The following SAMD5 variants were observed in gnomAD, a reference collection of about 807,000 sequenced individuals.
SAMD5 encodes sterile alpha motif domain containing 5.
SAMD5 carries 13 observed loss-of-function variants against 11.3 expected under a neutral mutation model. That is an observed-to-expected ratio of 1.15 (90% CI 0.75 to 1.83). The LOEUF (loss-of-function observed/expected upper bound fraction) is 1.83, where lower values mean the gene tolerates loss of function less well. SAMD5 is among the 40% of genes most tolerant of loss of function. SAMD5 has a pLI of 0.00. For missense variants in SAMD5, 255 were observed against 239.1 expected, an observed-to-expected ratio of 1.07 and a Z score of -0.44; for synonymous variants, 129 against 111.3, an observed-to-expected ratio of 1.16 and a Z score of -1.00.
chr6:147,710,691 C>T (rs748119589), intron 1 of SAMD5, among the ~76,000 whole-genome samples: 6 of 152,152 alleles, frequency 3.9e-5, no homozygotes, highest in Admixed American at 1.3e-4. Flanking sequence ...CATTGTTAAC[C>T]TCTTGCTGTG....
chr6:147,760,828 A>G, the SAMD5 span, among the ~76,000 whole-genome samples: 1 of 152,088 alleles, frequency 6.6e-6, no homozygotes, highest in Non-Finnish European at 1.5e-5. Flanking sequence ...GTCTTCATTG[A>G]CCTCTTTTCA....
At chr6:147,943,893 T>G in the SAMD5 span, among the ~76,000 whole-genome samples, 22,083 of 152,074 alleles carry the variant, frequency 0.15, 2,038 homozygotes, top group African/African-American at 0.26. Flanking sequence ...GTGCACATAA[T>G]TCTCCTGGCC....
downstream of SAMD5, among the ~76,000 whole-genome samples, chr6:147,572,932 C>A (rs76253450): frequency 0.034 from 5,123 of 152,228 alleles, 117 homozygotes; most frequent in Middle Eastern, 0.075. Flanking sequence ...GGTACATCTA[C>A]CCTGTACCAA....
the SAMD5 span, among the ~76,000 whole-genome samples, chr6:147,767,564 G>A: frequency 4.6e-5 from 7 of 151,746 alleles, no homozygotes; most frequent in South Asian, 8.3e-4. Flanking sequence ...TCGGGGTGGG[G>A]ATCTTATGAT....
chr6:147,941,770 C>A, the SAMD5 span, among the ~76,000 whole-genome samples: 6 of 150,908 alleles, frequency 4.0e-5, no homozygotes, highest in Non-Finnish European at 8.9e-5. Flanking sequence ...ACATTTTTTT[C>A]TAAAATATAG....
chr6:147,922,354 G>A, the SAMD5 span, among the ~76,000 whole-genome samples: 6 of 152,272 alleles, frequency 3.9e-5, no homozygotes, highest in African/African-American at 1.4e-4. Context: ...GCAGTTAAAA[G>A]CATTTGCATG....
chr6:147,951,415 C>T, the SAMD5 span, among the ~76,000 whole-genome samples: 3 of 152,152 alleles, frequency 2.0e-5, no homozygotes, highest in South Asian at 2.1e-4. Flanking sequence ...ATCCTGGCCT[C>T]GTGATCCACC....
downstream of SAMD5, among the ~76,000 whole-genome samples, chr6:147,740,276 A>G (rs759872775): frequency 7.9e-5 from 12 of 152,208 alleles, no homozygotes; most frequent in Admixed American, 4.6e-4. Flanking sequence ...CAGGAACAAT[A>G]GGATGGTTCT....
intron 1 of SAMD5, among the ~76,000 whole-genome samples, chr6:147,522,648 A>G (rs1356984851): frequency 6.6e-6 from 1 of 152,218 alleles, no homozygotes; most frequent in Non-Finnish European, 1.5e-5. Flanking sequence ...CTTTTACACT[A>G]TATATCTTTT....
At chr6:147,739,462 G>T (rs1791848669), downstream of SAMD5, among the ~76,000 whole-genome samples, 1 of 152,158 alleles carries the variant, frequency 6.6e-6, no homozygotes, top group South Asian at 2.1e-4. Context: ...GCCAGGCGTA[G>T]TGGCATGTGC....
chr6:147,532,670 A>T (rs1345723092), intron 1 of SAMD5, among the ~76,000 whole-genome samples: 1 of 152,188 alleles, frequency 6.6e-6, no homozygotes, highest in Non-Finnish European at 1.5e-5. Flanking sequence ...ACTGGATCAA[A>T]TGGTAGTTCT....
At chr6:147,725,935 C>T (rs1272806232) in intron 1 of SAMD5, among the ~76,000 whole-genome samples, 2 of 152,164 alleles carry the variant, frequency 1.3e-5, no homozygotes, top group Non-Finnish European at 2.9e-5. Flanking sequence ...TTGGATCAGA[C>T]TAAGCTTTAA....
chr6:147,608,235 C>T (rs2128448867), intron 1 of SAMD5, among the ~76,000 whole-genome samples: 1 of 152,234 alleles, frequency 6.6e-6, no homozygotes, highest in Non-Finnish European at 1.5e-5. Flanking sequence ...TTGGAAGTTC[C>T]TCAAAATACT....
the SAMD5 span, among the ~76,000 whole-genome samples, chr6:147,769,362 T>C: frequency 1.3e-5 from 2 of 152,348 alleles, no homozygotes; most frequent in Admixed American, 1.3e-4. Flanking sequence ...CATTTTCCTT[T>C]CTTTTTGTGT....
intron 1 of SAMD5, among the ~76,000 whole-genome samples, chr6:147,511,338 G>T (rs930090129): frequency 2.0e-5 from 3 of 152,232 alleles, no homozygotes; most frequent in African/African-American, 7.2e-5. Flanking sequence ...CATAGGCTTT[G>T]AACTCTGGTC....
At chr6:147,509,646 G>C (rs1282878489) in intron 1 of SAMD5, among the ~76,000 whole-genome samples, 1 of 152,164 alleles carries the variant, frequency 6.6e-6, no homozygotes, top group African/African-American at 2.4e-5. Flanking sequence ...CATCCTCTCT[G>C]GTGCTCGCCT....
the SAMD5 span, among the ~76,000 whole-genome samples, chr6:147,895,451 G>A: frequency 1.3e-5 from 2 of 152,170 alleles, no homozygotes; most frequent in Non-Finnish European, 2.9e-5. Flanking sequence ...ATATGAGAAT[G>A]AAAATGGAAG....
At chr6:147,601,572 C>G (rs1174925311) in intron 1 of SAMD5, among the ~76,000 whole-genome samples, 1 of 152,058 alleles carries the variant, frequency 6.6e-6, no homozygotes, top group African/African-American at 2.4e-5. Context: ...TCAGACCTTC[C>G]CAACGGAACA....
the SAMD5 span, among the ~76,000 whole-genome samples, chr6:147,856,270 G>A: frequency 1.3e-5 from 2 of 152,166 alleles, no homozygotes; most frequent in African/African-American, 4.8e-5. Context: ...GTCAACGGGT[G>A]GGTGTGGTGT....
Sources: allele counts gnomAD v4.1 joint callset (sites outside exome capture counted in the v4.1 genomes callset), GRCh38; gene constraint gnomAD v4.1.1; transcripts MANE v1.5; gene names NCBI Gene and HGNC (gene_info 2026-07-23, HGNC 2026-07-21).